Variants in DMXL1 observed in about 807,000 individuals in gnomAD.
DMXL1 encodes Dmx like 1, also known as dmX-like protein 1.
DMXL1 carries 99 observed loss-of-function variants against 319.2 expected under a neutral mutation model. The observed-to-expected ratio is 0.31, with a 90% confidence interval of 0.26 to 0.37. The LOEUF (loss-of-function observed/expected upper bound fraction) is 0.37, where lower values mean the gene tolerates loss of function less well. Among genes scored for constraint, DMXL1 ranks in the 10% least tolerant of loss-of-function variants. The pLI is 1.00. For synonymous variants in DMXL1, 1,385 were observed against 1,235.2 expected (o/e 1.12, Z -2.54); for missense variants, 3,745 against 3,595.6 (o/e 1.04, Z -1.06).
rs1179173032 is a variant in DMXL1, at chr5:119,148,770, A to C, written c.2943A>C (p.Ala981=). 2 of 1,613,486 alleles carry C rather than the reference A, an allele frequency of 1.2e-6. No individual in the cohort carries two copies. Among genetic ancestry groups the C allele is most frequent in the South Asian group, 1.1e-5 (1 of 91,058 alleles). Residue 981 remains alanine, a synonymous_variant, in exon 18 of 44, where the codon GCA becomes GCC. Transcript: ENST00000539542. The stretch of plus-strand genomic sequence containing the variant: ...TGAGTTCATCTTCTATATATCCTGC[A>C]TGCAGTGCTCCTTATTTATTGGCAA... The part of the protein sequence containing the change: ...GHLSSSSIYP[A]CSAPYLLATS...
At chr5:119,087,663 C>CTA (rs1753676318) in intron 1 of DMXL1, among the ~76,000 whole-genome samples, 1 of 152,050 alleles carries the variant, frequency 6.6e-6, no homozygotes, top group African/African-American at 2.4e-5. Context: ...AATGTCAGGC[C>CTA]TATTAGATCT....
intron 13 of DMXL1, among the ~76,000 whole-genome samples, chr5:119,138,522 A>G (rs933348265): frequency 1.2e-4 from 19 of 152,310 alleles, no homozygotes; most frequent in African/African-American, 4.6e-4. Context: ...TGAGATTGCC[A>G]AGGGTGAGAC....
chr5:119,109,763 C>T (rs1050692819), intron 4 of DMXL1, among the ~76,000 whole-genome samples: 3 of 152,138 alleles, frequency 2.0e-5, no homozygotes, highest in African/African-American at 7.2e-5. Context: ...TGTCTCCTTC[C>T]TGTGGGCTTC....
At chr5:119,136,108 A>G (rs537340993) in intron 13 of DMXL1, among the ~76,000 whole-genome samples, 1 of 152,356 alleles carries the variant, frequency 6.6e-6, no homozygotes, top group East Asian at 1.9e-4. Flanking sequence ...TCTGATGGAG[A>G]TGACGAACTT....
At chr5:119,140,402 C>T (rs113353513) in intron 13 of DMXL1, among the ~76,000 whole-genome samples, 46 of 151,920 alleles carry the variant, frequency 3.0e-4, no homozygotes, top group African/African-American at 1.0e-3. Context: ...CCAAATAAAC[C>T]CAATTAGAAA....
chr5:119,200,947 A>G (rs188624954), intron 32 of DMXL1, among the ~76,000 whole-genome samples: 3 of 152,252 alleles, frequency 2.0e-5, no homozygotes, highest in Non-Finnish European at 4.4e-5. Context: ...TAAGTTGTTT[A>G]TCAGATCTAG....
At chr5:119,125,067 A>G (rs1206685334) in intron 9 of DMXL1, among the ~76,000 whole-genome samples, 2 of 152,220 alleles carry the variant, frequency 1.3e-5, no homozygotes, top group Non-Finnish European at 2.9e-5. Flanking sequence ...CAATAGATAC[A>G]TTAAATTTAC....
intron 38 of DMXL1, among the ~76,000 whole-genome samples, chr5:119,226,041 C>T (rs556099639): frequency 5.1e-4 from 77 of 152,236 alleles, no homozygotes; most frequent in African/African-American, 1.4e-3. Context: ...AGTCCCATAC[C>T]ATGTGTCCTG....
chr5:119,196,653 T>A (rs1779696913), intron 31 of DMXL1, among the ~76,000 whole-genome samples, 197 bp downstream of exon 31: 1 of 151,490 alleles, frequency 6.6e-6, no homozygotes, highest in Non-Finnish European at 1.5e-5. Flanking sequence ...GATGGCAACA[T>A]CCAAGAAATC....
At chr5:119,113,813 T>C (rs748262226) in intron 5 of DMXL1, among the ~76,000 whole-genome samples, 2 of 152,208 alleles carry the variant, frequency 1.3e-5, no homozygotes, top group Non-Finnish European at 2.9e-5. Flanking sequence ...TGAAATGAAA[T>C]GTGACAGAAT....
intron 37 of DMXL1, among the ~76,000 whole-genome samples, chr5:119,223,684 C>T (rs1785037738): frequency 6.6e-6 from 1 of 152,044 alleles, no homozygotes; most frequent in Admixed American, 6.6e-5. Context: ...CATGGATCTT[C>T]TAAAATAATG....
chr5:119,216,279 A>G (rs1222085137), intron 34 of DMXL1, among the ~76,000 whole-genome samples: 2 of 152,062 alleles, frequency 1.3e-5, no homozygotes, highest in African/African-American at 4.8e-5. Flanking sequence ...AGAAGGTCAA[A>G]TATATGTCCC....
chr5:119,178,178 T>C lies in DMXL1; in HGVS notation c.7069T>C (p.Ser2357Pro). 1 of 1,613,950 alleles carries C rather than the reference T, an allele frequency of 6.2e-7. No homozygotes were observed. The highest frequency in any genetic ancestry group is 8.5e-7 in the Non-Finnish European group (1 of 1,179,836). ...CCATCCTCTAAATGAGAAAATGTGG[T>C]CTGCTGTGTTTGGTGGAGGTGCACA... ...VAHPLNEKMW[S>P]AVFGGGAHVP... The change falls in exon 28 of 44, where the codon TCT becomes CCT. Residue 2357 changes from serine (S) to proline (P), a missense_variant. Transcript: ENST00000539542.
At chr5:119,160,855 G>C (rs1002171223) in intron 19 of DMXL1, among the ~76,000 whole-genome samples, 71 of 152,074 alleles carry the variant, frequency 4.7e-4, no homozygotes, top group Admixed American at 1.8e-3. Flanking sequence ...GTTTCTATTT[G>C]AGTAGGATTT....
intron 1 of DMXL1, among the ~76,000 whole-genome samples, chr5:119,075,818 G>C (rs1561523220): frequency 6.6e-6 from 1 of 151,894 alleles, no homozygotes; most frequent in Non-Finnish European, 1.5e-5. Context: ...TCCCGCCTTG[G>C]CCTCCCAGGC....
chr5:119,146,831 C>T lies in DMXL1; in HGVS notation c.2570-6C>T. On this transcript the variant is annotated splice_polypyrimidine_tract_variant and splice_region_variant and intron_variant, in intron 15 of 43. Coordinates refer to ENST00000539542, the MANE Select transcript of DMXL1 (RefSeq NM_001290321.3). ...TAACAGTGAAAAATATCATTAATAC[C>T]AACAGGCAGCTCACCTAATGGATTT... 1 of 1,606,876 alleles carries T rather than the reference C, an allele frequency of 6.2e-7. No individual in the cohort carries two copies. The highest frequency in any genetic ancestry group is 1.3e-5 in the African/African-American group (1 of 74,608).
chr5:119,163,184 A>G (rs1029204388), intron 19 of DMXL1, among the ~76,000 whole-genome samples: 1 of 152,198 alleles, frequency 6.6e-6, no homozygotes, highest in Non-Finnish European at 1.5e-5. Flanking sequence ...TTTTATAACT[A>G]TATTATTTAA....
chr5:119,212,509 A>C (rs749275844), intron 34 of DMXL1, among the ~76,000 whole-genome samples: 4 of 152,222 alleles, frequency 2.6e-5, no homozygotes, highest in Non-Finnish European at 5.9e-5. Context: ...TGGTGCTATG[A>C]ACATTGATAT....
At chr5:119,089,293 T>TATATATATATATGCA (rs70982466) in intron 1 of DMXL1, among the ~76,000 whole-genome samples, 3 of 25,332 alleles carry the variant, frequency 1.2e-4, no homozygotes, top group South Asian at 2.9e-3. Flanking sequence ...TATATATATA[T>TATATATATATATGCA]TTTTTTTTTT....
Sources: gnomAD v4.1 joint callset for allele counts (sites outside exome capture counted in the v4.1 genomes callset) on GRCh38, gnomAD v4.1.1 for gene constraint, MANE v1.5 for transcripts, NCBI Gene and HGNC (gene_info 2026-07-23, HGNC 2026-07-21) for gene names.